The following PTPN9 variants were observed in gnomAD, a reference collection of about 807,000 sequenced individuals.
PTPN9 encodes tyrosine-protein phosphatase non-receptor type 9.
PTPN9 carries 26 observed loss-of-function variants against 69.8 expected under a neutral mutation model. That is an observed-to-expected ratio of 0.37 (90% confidence interval 0.27 to 0.52). The LOEUF (loss-of-function observed/expected upper bound fraction) is 0.52, where lower values mean the gene tolerates loss of function less well. Among genes scored for constraint, PTPN9 ranks in the 20% least tolerant of loss-of-function variants. The pLI is 0.91. For missense variants in PTPN9, 549 were observed against 740.3 expected, an observed-to-expected ratio of 0.74 and a Z score of 3.00; for synonymous variants, 274 against 272.5, an observed-to-expected ratio of 1.01 and a Z score of -0.05.
chr15:75,541,124 C>T (rs1362521208), intron 1 of PTPN9, among the ~76,000 whole-genome samples: 1 of 151,912 alleles, frequency 6.6e-6, no homozygotes, highest in African/African-American at 2.4e-5. Context: ...GGATCTTGCT[C>T]TTGCCCAGGC....
chr15:75,540,277 G>A (rs2075002363), intron 1 of PTPN9, among the ~76,000 whole-genome samples: 1 of 152,108 alleles, frequency 6.6e-6, no homozygotes, highest in Non-Finnish European at 1.5e-5. Flanking sequence ...AAAATAATGT[G>A]TGGCCGGGCA....
At chr15:75,488,698 G>A (rs1388398304) in intron 8 of PTPN9, among the ~76,000 whole-genome samples, 3 of 152,178 alleles carry the variant, frequency 2.0e-5, no homozygotes, top group Admixed American at 6.5e-5. Flanking sequence ...GGAGGCAGAG[G>A]TGGGAGGATC....
At chr15:75,534,442 G>T (rs1381780235) in intron 1 of PTPN9, among the ~76,000 whole-genome samples, 1 of 152,142 alleles carries the variant, frequency 6.6e-6, no homozygotes, top group Non-Finnish European at 1.5e-5. Context: ...GGAAGGCCAA[G>T]GTGGGAAGAC....
intron 1 of PTPN9, among the ~76,000 whole-genome samples, chr15:75,561,422 A>G (rs1166615709): frequency 7.2e-5 from 11 of 152,034 alleles, no homozygotes; most frequent in Non-Finnish European, 1.0e-4. Flanking sequence ...TAAAAACAGA[A>G]AAGGAAAAAA....
rs1048381321 is a variant in PTPN9, at chr15:75,468,766, G to A, written c.*3C>T. ...GCCAACAGGTAGGAGGTTCGTAGGA[G>A]AGTTACTGACTCTCCACGGCCAGCA... On this transcript the variant is annotated 3_prime_UTR_variant, in exon 13 of 13. Coordinates refer to ENST00000618819, the MANE Select transcript of PTPN9 (RefSeq NM_002833.4). 1 of 1,613,160 alleles carries A rather than the reference G, an allele frequency of 6.2e-7. No individual in the cohort carries two copies. The highest frequency in any genetic ancestry group is 8.5e-7 in the Non-Finnish European group (1 of 1,179,574).
Position 75,479,905 on chromosome 15 carries a change from T to C in PTPN9, c.1072A>G (p.Ile358Val). The C allele has an allele frequency of 6.2e-7, 1 of 1,607,924 alleles. No individual in the cohort carries two copies. Among genetic ancestry groups the C allele is most frequent in the Non-Finnish European group, 8.5e-7 (1 of 1,175,882 alleles). The change falls in exon 9 of 13, where the codon ATC becomes GTC. Residue 358 changes from isoleucine to valine, a missense_variant. Around this residue, in one of 3 missense-constraint regions of PTPN9, gnomAD observed 457 missense variants for 661.9 expected, o/e 0.69. Transcript: ENST00000618819. ...KRSGHTQTDY[I>V]NASFMDGYKQ... ...TAGCCATCCATGAAACTGGCATTGA[T>C]GTAATCTGTCTAATGATAAAAAGGA...
chr15:75,488,527 G>A (rs766831400), intron 8 of PTPN9, among the ~76,000 whole-genome samples: 15 of 152,132 alleles, frequency 9.9e-5, no homozygotes, highest in South Asian at 6.2e-4. Context: ...CAGGCACACC[G>A]GCTCATGCCT....
intron 8 of PTPN9, 66 bp from the exon 9 acceptor site, chr15:75,479,980 T>A: frequency 8.6e-7 from 1 of 1,158,950 alleles, no homozygotes; most frequent in Non-Finnish European, 1.2e-6. Flanking sequence ...TAAAATGATG[T>A]ACTCAGTAAG....
intron 5 of PTPN9, among the ~76,000 whole-genome samples, chr15:75,514,790 G>A (rs1452344991): frequency 2.6e-5 from 4 of 151,998 alleles, no homozygotes; most frequent in Admixed American, 1.3e-4. Context: ...TATAGCTAAC[G>A]AATATATGAA....
intron 7 of PTPN9, among the ~76,000 whole-genome samples, chr15:75,503,673 A>G: frequency 9.0e-6 from 1 of 111,332 alleles, no homozygotes; most frequent in Non-Finnish European, 1.9e-5. Context: ...CCTACTGGGA[A>G]GTGAGGAGCC....
chr15:75,477,833 C>CTTTT (rs1196645006), intron 9 of PTPN9, among the ~76,000 whole-genome samples: 63 of 91,832 alleles, frequency 6.9e-4, no homozygotes, highest in East Asian at 2.0e-3. Flanking sequence ...ATCAGATACT[C>CTTTT]TTTTTTTTTT....
intron 1 of PTPN9, among the ~76,000 whole-genome samples, chr15:75,558,519 C>T (rs1424366774): frequency 6.6e-6 from 1 of 151,838 alleles, no homozygotes; most frequent in Non-Finnish European, 1.5e-5. Context: ...CCCTCTCCCC[C>T]TCCCCCTCTC....
rs370267107 is a variant in PTPN9, at chr15:75,501,432, CT to C, written c.968+4242del. On this transcript the variant is annotated intron_variant, in intron 7 of 12. Coordinates refer to ENST00000618819, the MANE Select transcript of PTPN9 (RefSeq NM_002833.4). ...TAGGATGGCTTCCCTCATTTTCTTT[CT>C]TTTTTTTTTTTCCTCTTCTTTTCTT... is the stretch of plus-strand genomic sequence containing the variant. 2.9e-3 allele frequency among the ~76,000 whole-genome samples: 362 copies of C among 125,242 alleles called. 2 individuals carry two copies. Among genetic ancestry groups the C allele is most frequent in the African/African-American group, 8.5e-3 (293 of 34,614 alleles). The allele number at this position is 125,242 out of a possible 152,430, so 82.2% of individuals were successfully genotyped here. A position where few individuals can be genotyped will look rare whatever the true frequency, so the allele number is the denominator to read the frequency against.
At chr15:75,567,600 CT>C (rs1321464899) in intron 1 of PTPN9, among the ~76,000 whole-genome samples, 1 of 152,092 alleles carries the variant, frequency 6.6e-6, no homozygotes, top group Non-Finnish European at 1.5e-5. Context: ...CCTGTGCTAC[CT>C]ACACTGAAAA....
chr15:75,559,653 C>T (rs966730393), intron 1 of PTPN9, among the ~76,000 whole-genome samples: 2 of 151,822 alleles, frequency 1.3e-5, no homozygotes, highest in African/African-American at 4.8e-5. Context: ...GCAGGGTCCT[C>T]TGCCTAGGAA....
chr15:75,540,460 G>A (rs1462958332), intron 1 of PTPN9, among the ~76,000 whole-genome samples: 2 of 151,100 alleles, frequency 1.3e-5, no homozygotes, highest in Non-Finnish European at 2.9e-5. Context: ...GGCTGAAGCA[G>A]GAGAATCGCT....
chr15:75,506,278 G>T (rs1405935175), intron 6 of PTPN9, among the ~76,000 whole-genome samples: 3 of 152,136 alleles, frequency 2.0e-5, no homozygotes, highest in Non-Finnish European at 4.4e-5. Flanking sequence ...ACGATGTAGT[G>T]AACAAAAGCT....
chr15:75,470,894 C>T, intron 10 of PTPN9, 64 bp from the exon 11 acceptor site: 1 of 1,569,546 alleles, frequency 6.4e-7, no homozygotes. Flanking sequence ...ACCTGGCTTC[C>T]CCAAAGACCT....
chr15:75,527,214 G>A lies in PTPN9; in HGVS notation c.111C>T (p.Tyr37=). 6.2e-7 allele frequency: 1 copy of A among 1,614,108 alleles called. No individual in the cohort carries two copies. The highest frequency in any genetic ancestry group is 1.1e-5 in the South Asian group (1 of 91,080). The part of the protein sequence containing the change: ...LEEINKWTVQ[Y]NVSPLSWNVA... ...CATTCCAAGACAGCGGGGAAACATT[G>A]TACTGAACTGTCCACTTGTTAATCT... The change falls in exon 2 of 13, where the codon TAC becomes TAT. Residue 37 remains tyrosine (Y), a synonymous_variant. Coordinates refer to ENST00000618819, the MANE Select transcript of PTPN9 (RefSeq NM_002833.4).
Sources: gnomAD v4.1 joint callset for allele counts (sites outside exome capture counted in the v4.1 genomes callset) on GRCh38, gnomAD v4.1.1 for gene constraint, gnomAD v4.1.1 regional missense constraint, MANE v1.5 for transcripts, NCBI Gene and HGNC (gene_info 2026-07-23, HGNC 2026-07-21) for gene names.